The following LMX1A variants were observed in gnomAD, a reference collection of about 807,000 sequenced individuals.
LMX1A encodes LIM homeobox transcription factor 1-alpha.
Under a neutral mutation model 49.1 loss-of-function variants are expected in LMX1A, and 15 were observed. That is an observed-to-expected ratio of 0.31 (90% confidence interval 0.20 to 0.47). LMX1A has a LOEUF of 0.47. Among genes scored for constraint, LMX1A ranks in the 20% least tolerant of loss-of-function variants. LMX1A has a pLI of 1.00. For synonymous variants in LMX1A, 167 were observed against 185.7 expected, an observed-to-expected ratio of 0.90 and a Z score of 0.82; for missense variants, 372 against 475.8, an observed-to-expected ratio of 0.78 and a Z score of 2.03.
chr1:165,240,621 G>A (rs1246428461), intron 4 of LMX1A, among the ~76,000 whole-genome samples: 3 of 152,186 alleles, frequency 2.0e-5, no homozygotes, highest in Non-Finnish European at 4.4e-5. Context: ...TCAGGTGGCC[G>A]CCTGGAAGGA....
Position 165,205,911 on chromosome 1 carries a change from T to C in LMX1A, c.941A>G (p.Gln314Arg). ...QSVYSSDPFRQGLTPPQMPGD... is the reference protein window; with the variant it reads ...QSVYSSDPFRRGLTPPQMPGD... ...AGGCATCTGGGGTGGGGTGAGACCC[T>C]GTCGGAAGGGATCTGAGCTGTAGAC... The change falls in exon 8 of 9, where the codon CAG (glutamine) becomes CGG (arginine). Residue 314 changes from glutamine (Q) to arginine (R), a missense_variant. By Grantham distance (43) the Gln-to-Arg change is conservative (BLOSUM62 1). Transcript: ENST00000342310. 1 of 1,614,080 alleles carries C rather than the reference T, an allele frequency of 6.2e-7. No individual in the cohort carries two copies. Among genetic ancestry groups the C allele is most frequent in the Non-Finnish European group, 8.5e-7 (1 of 1,180,004 alleles).
chr1:165,203,805 T>G lies in LMX1A; in HGVS notation c.*75A>C, dbSNP rs1650947937. ...ACCCACCTCTTCCCTGGCCTCCCTG[T>G]CCTAAAGCCAGTGACCCCTCAAAGA... is the stretch of plus-strand genomic sequence containing the variant. On this transcript the variant is annotated 3_prime_UTR_variant, in exon 9 of 9. Coordinates refer to ENST00000342310, the MANE Select transcript of LMX1A (RefSeq NM_177398.4). The G allele has an allele frequency of 6.8e-7, 1 of 1,478,970 alleles. No individual in the cohort carries two copies. Among genetic ancestry groups the G allele is most frequent in the African/African-American group, 1.4e-5 (1 of 72,008 alleles). 91.6% of individuals were successfully genotyped at this position (1,478,970 alleles called of 1,614,324 possible). A position where few individuals can be genotyped will look rare whatever the true frequency, so the allele number is the denominator to read the frequency against.
intron 3 of LMX1A, among the ~76,000 whole-genome samples, chr1:165,263,901 C>T (rs1337797869): frequency 6.6e-6 from 1 of 152,158 alleles, no homozygotes; most frequent in Non-Finnish European, 1.5e-5. Flanking sequence ...ATTAAAAGCT[C>T]TGTGTGACTA....
intron 4 of LMX1A, among the ~76,000 whole-genome samples, chr1:165,237,165 T>C (rs1652479897): frequency 6.6e-6 from 1 of 152,220 alleles, no homozygotes; most frequent in Non-Finnish European, 1.5e-5. Context: ...GCTGAGTTAG[T>C]TCAGTCACTG....
intron 3 of LMX1A, among the ~76,000 whole-genome samples, chr1:165,291,609 C>T (rs1654467837): frequency 1.3e-5 from 2 of 152,168 alleles, no homozygotes; most frequent in Non-Finnish European, 2.9e-5. Context: ...TGGTTTAAAA[C>T]TTTGTGATTC....
rs936261216 is a variant in LMX1A at position 165,205,723 on chromosome 1, G to A, written c.988+141C>T. 23 of 720,114 alleles carry A rather than the reference G, an allele frequency of 3.2e-5. No individual in the cohort carries two copies. In the African/African-American group the frequency reaches 3.2e-4, roughly 10 times the overall value. 44.6% of individuals were successfully genotyped at this position (720,114 alleles called of 1,614,324 possible). A position where few individuals can be genotyped will look rare whatever the true frequency, so the allele number is the denominator to read the frequency against. ...TTTCTCCTGTAGTCATTGGTTAGGC[G>A]ATTCTGGCAGTATTTTGTAGGGCAC... On this transcript the variant is annotated intron_variant, in intron 8 of 8. Transcript: ENST00000342310.
At position 165,356,423 on chromosome 1, in the gene LMX1A, C is replaced by T. The variant is rs1229644731; in HGVS notation, c.-91G>A. 1 of 151,650 alleles carries T rather than the reference C, an allele frequency of 6.6e-6. No individual in the cohort carries two copies. The highest frequency in any genetic ancestry group is 1.5e-5 in the Non-Finnish European group (1 of 67,880). The allele number at this position is 151,650 out of a possible 1,614,324, so 9.4% of individuals were successfully genotyped here. A position where few individuals can be genotyped will look rare whatever the true frequency, so the allele number is the denominator to read the frequency against. On this transcript the variant is annotated 5_prime_UTR_variant, in exon 1 of 9. Transcript: ENST00000342310. Reference sequence around the variant, plus strand: ...TGCGGAGCGCTGCTGGAAGCTTCTGCCCGGGAAGGCGTCGCCCCCGAGACT... The same window carrying T: ...TGCGGAGCGCTGCTGGAAGCTTCTGTCCGGGAAGGCGTCGCCCCCGAGACT...
At chr1:165,323,795 T>C (rs540507735) in intron 3 of LMX1A, among the ~76,000 whole-genome samples, 1 of 150,242 alleles carries the variant, frequency 6.7e-6, no homozygotes, top group South Asian at 2.1e-4. Context: ...AACTTCACTG[T>C]TCTCAATACT....
intron 4 of LMX1A, among the ~76,000 whole-genome samples, chr1:165,242,846 C>T (rs1057440477): frequency 1.4e-5 from 2 of 147,848 alleles, no homozygotes; most frequent in African/African-American, 2.5e-5. Flanking sequence ...AGGAGAATGG[C>T]GTGAACCCGG....
chr1:165,318,737 G>A (rs1035369214), intron 3 of LMX1A, among the ~76,000 whole-genome samples: 5 of 152,104 alleles, frequency 3.3e-5, no homozygotes, highest in Admixed American at 1.3e-4. Context: ...CCTGGAATGT[G>A]ATTACAAAGC....
At chr1:165,238,673 G>A (rs1377530865) in intron 4 of LMX1A, among the ~76,000 whole-genome samples, 1 of 152,250 alleles carries the variant, frequency 6.6e-6, no homozygotes, top group South Asian at 2.1e-4. Flanking sequence ...CTTCAGTTGG[G>A]GTCTCTCAGG....
intron 3 of LMX1A, among the ~76,000 whole-genome samples, chr1:165,273,869 G>A (rs1653881042): frequency 6.6e-6 from 1 of 152,204 alleles, no homozygotes; most frequent in African/African-American, 2.4e-5. Flanking sequence ...GCCCTTGGGA[G>A]GGCATAGAGG....
chr1:165,228,401 G>A (rs1053022754), intron 4 of LMX1A, among the ~76,000 whole-genome samples: 5 of 152,102 alleles, frequency 3.3e-5, no homozygotes, highest in African/African-American at 7.2e-5. Flanking sequence ...CACCTGGTCC[G>A]TTTGCATCTC....
At chr1:165,304,880 AG>A (rs1464806885) in intron 3 of LMX1A, among the ~76,000 whole-genome samples, 1 of 152,178 alleles carries the variant, frequency 6.6e-6, no homozygotes, top group Non-Finnish European at 1.5e-5. Context: ...AAATCTGCTC[AG>A]GCATCATCTC....
chr1:165,250,016 T>C, intron 3 of LMX1A, among the ~76,000 whole-genome samples: 1 of 35,542 alleles, frequency 2.8e-5, no homozygotes, highest in South Asian at 1.4e-3. Flanking sequence ...CACTTATAAG[T>C]GGGAGCTGAA....
chr1:165,335,901 G>C (rs1417186921), intron 3 of LMX1A, among the ~76,000 whole-genome samples: 9 of 151,512 alleles, frequency 5.9e-5, no homozygotes, highest in Non-Finnish European at 1.0e-4. Flanking sequence ...AGAATTCTTA[G>C]AAAAAGTAAT....
intron 3 of LMX1A, among the ~76,000 whole-genome samples, chr1:165,342,116 A>C (rs1656094848): frequency 6.6e-6 from 1 of 152,260 alleles, no homozygotes; most frequent in Non-Finnish European, 1.5e-5. Context: ...AATACAATAC[A>C]GGAATACTCA....
rs75596117 is a variant in LMX1A at position 165,207,233 on chromosome 1, G to T, written c.817+830C>A. On this transcript the variant is annotated intron_variant, in intron 7 of 8. Coordinates refer to ENST00000342310, the MANE Select transcript of LMX1A (RefSeq NM_177398.4). ...CTGTTTTAAGGTACAGACCATTCAA[G>T]GAATTCTGGATAGCTGAGTTGGGTG... Among the ~76,000 whole-genome samples, 937 of 152,310 alleles carry T rather than the reference G, an allele frequency of 6.2e-3. 52 individuals are homozygous for T. In the East Asian group the frequency reaches 0.13, roughly 21 times the overall value.
intron 8 of LMX1A, 152 bp from the exon 9 acceptor site, chr1:165,204,192 A>G: frequency 1.3e-6 from 1 of 744,602 alleles, no homozygotes; most frequent in Non-Finnish European, 2.2e-6. Flanking sequence ...AGGGGGCTCA[A>G]GTCCAAAGTG....
Sources: allele counts gnomAD v4.1 joint callset (sites outside exome capture counted in the v4.1 genomes callset), GRCh38; gene constraint gnomAD v4.1.1; transcripts MANE v1.5; gene names NCBI Gene and HGNC (gene_info 2026-07-23, HGNC 2026-07-21).